The following ARFGEF3 variants were observed in gnomAD, a reference collection of about 807,000 sequenced individuals.
ARFGEF3 encodes the protein ARFGEF family member 3, also known as brefeldin A-inhibited guanine nucleotide-exchange protein 3.
ARFGEF3 carries 96 observed loss-of-function variants against 221.7 expected under a neutral mutation model. That is an observed-to-expected ratio of 0.43 (90% CI 0.37 to 0.51). The LOEUF (loss-of-function observed/expected upper bound fraction) is 0.51, where lower values mean the gene tolerates loss of function less well. ARFGEF3 is among the 20% of genes least tolerant of loss of function. The pLI is 0.00. For synonymous variants in ARFGEF3, 1,145 were observed against 1,126.8 expected, an observed-to-expected ratio of 1.02 and a Z score of -0.32; for missense variants, 2,410 against 2,789.9, an observed-to-expected ratio of 0.86 and a Z score of 3.07.
rs138169197 is a variant in ARFGEF3, at chr6:138,303,022, G to A, written c.3829-4231G>A. Among the ~76,000 whole-genome samples the A allele has an allele frequency of 4.4e-4, 67 of 152,162 alleles. No individual in the cohort carries two copies. In the East Asian group the frequency reaches 9.8e-3, roughly 22 times the overall value. ...TCCTAATTTATTTCAAAAACCTAAC[G>A]TTTAAAGCAATAACTCTAACACTGT... On this transcript the variant is annotated intron_variant, in intron 22 of 33. Transcript: ENST00000251691.
intron 2 of ARFGEF3, among the ~76,000 whole-genome samples, chr6:138,192,026 C>A (rs1178590142): frequency 6.6e-6 from 1 of 152,344 alleles, no homozygotes; most frequent in South Asian, 2.1e-4. Context: ...CGGTGCTACG[C>A]TGAGTCCTAG....
Position 138,254,017 on chromosome 6 carries a change from T to C in ARFGEF3, c.770+33T>C, listed in dbSNP as rs1778627941. ...CCCACTCCTGACGCCCCGACGCTGA[T>C]GCCAACCCAAGGGCTGCTGCTGACT... On this transcript the variant is annotated intron_variant, in intron 9 of 33. Transcript: ENST00000251691. 2.1e-6 allele frequency: 3 copies of C among 1,445,746 alleles called. No individual in the cohort carries two copies. In the Admixed American group the frequency reaches 7.4e-5, roughly 36 times the overall value. 89.6% of individuals were successfully genotyped at this position (1,445,746 alleles called of 1,614,324 possible). A position where few individuals can be genotyped will look rare whatever the true frequency, so the allele number is the denominator to read the frequency against.
At chr6:138,194,484 A>G (rs531596102) in intron 2 of ARFGEF3, among the ~76,000 whole-genome samples, 77 of 152,318 alleles carry the variant, frequency 5.1e-4, no homozygotes, top group Non-Finnish European at 6.6e-4. Context: ...TCATTAAGTA[A>G]CAAAATGCAT....
chr6:138,182,135 G>A (rs746393913), intron 2 of ARFGEF3, among the ~76,000 whole-genome samples: 71 of 152,320 alleles, frequency 4.7e-4, no homozygotes, highest in Non-Finnish European at 8.4e-4. Context: ...ACACACTGAG[G>A]TTGGAGGGGC....
In ARFGEF3 at chr6:138,334,928, G is replaced by A. The variant is rs747689466; in HGVS notation, c.6082G>A (p.Glu2028Lys). The change falls in exon 33 of 34, where the codon GAA (glutamate) becomes AAA (lysine). Residue 2028 changes from glutamate (E) to lysine (K), a missense_variant. Glu to Lys is a moderately conservative substitution (Grantham distance 56, BLOSUM62 1). Transcript: ENST00000251691. This position sits in a 1 kb window ranked among gnomAD's most constrained non-coding sequence, Gnocchi z 5.1. ...CAAGACCATTTCAAAGTTGATGACC[G>A]AATACAAAAAGAGGAAACAGCAGCA... is the stretch of plus-strand genomic sequence containing the variant. ...ADKTISKLMT[E>K]YKKRKQQHNL... is the part of the protein sequence containing the mutation. 6 of 1,589,404 alleles carry A rather than the reference G, an allele frequency of 3.8e-6. No homozygotes were observed. Among genetic ancestry groups the A allele is most frequent in the East Asian group, 2.3e-5 (1 of 43,584 alleles).
intron 4 of ARFGEF3, chr6:138,217,935 C>T (rs1777902670): frequency 6.5e-7 from 1 of 1,537,338 alleles, no homozygotes; most frequent in Non-Finnish European, 8.7e-7. Flanking sequence ...AGCAGAATTG[C>T]CTTTTCAACC....
At chr6:138,289,382 T>C (rs1198396870) in intron 17 of ARFGEF3, among the ~76,000 whole-genome samples, 1 of 152,240 alleles carries the variant, frequency 6.6e-6, no homozygotes, top group Non-Finnish European at 1.5e-5. Flanking sequence ...GTTTTAGAGA[T>C]GATGATCATA....
rs147599733 is a variant in ARFGEF3 at position 138,220,063 on chromosome 6, C to T, written c.352-9721C>T. Among the ~76,000 whole-genome samples the T allele has an allele frequency of 6.2e-4, 94 of 152,184 alleles. 2 individuals are homozygous for T. The East Asian group carries it at 0.017, about 28-fold the overall frequency. On this transcript the variant is annotated intron_variant, in intron 4 of 33. Transcript: ENST00000251691. ...GGTTTCACTGTCACCCAGGCTAGAG[C>T]TCAGTGATGCAATCACGCAATCACA...
intron 2 of ARFGEF3, among the ~76,000 whole-genome samples, chr6:138,173,206 A>G (rs1174652155): frequency 6.6e-6 from 1 of 152,320 alleles, no homozygotes; most frequent in East Asian, 1.9e-4. Context: ...CACAAGATAC[A>G]TTTCAAAAGT....
intron 14 of ARFGEF3, among the ~76,000 whole-genome samples, chr6:138,281,093 A>G (rs1779188708): frequency 6.6e-6 from 1 of 152,192 alleles, no homozygotes; most frequent in African/African-American, 2.4e-5. Context: ...TGTTTAAAGG[A>G]AAAATGAGGA....
chr6:138,187,942 T>A lies in ARFGEF3; in HGVS notation c.137+17229T>A, dbSNP rs148743228. ...CAATTATACTAGGATAGGAAATGAG[T>A]GTGTGTGGGGGGGTTTAATCTAGGG... On this transcript the variant is annotated intron_variant, in intron 2 of 33. Transcript: ENST00000251691. Among the ~76,000 whole-genome samples the A allele has an allele frequency of 4.5e-3, 688 of 152,084 alleles. 3 individuals carry two copies. The highest frequency in any genetic ancestry group is 0.024 in the Middle Eastern group (7 of 294).
chr6:138,278,139 A>G lies in ARFGEF3; in HGVS notation c.2129-312A>G, dbSNP rs565598343. Among the ~76,000 whole-genome samples, 4 of 152,278 alleles carry G rather than the reference A, an allele frequency of 2.6e-5. 1 individual carries two copies. In the South Asian group the frequency reaches 8.3e-4, roughly 32 times the overall value. ...CCGGAGGGCTCAAGCTAGGGATAGA[A>G]TGCAGTCAATTCTTCTTATTATAGG... On this transcript the variant is annotated intron_variant, in intron 12 of 33. Transcript: ENST00000251691.
rs1411821996 is a variant in ARFGEF3 at position 138,280,037 on chromosome 6, G to A, written c.2334G>A (p.Leu778=). The change falls in exon 14 of 34, where the codon CTG becomes CTA. Residue 778 remains leucine (L), a synonymous_variant. Coordinates refer to ENST00000251691, the MANE Select transcript of ARFGEF3 (RefSeq NM_020340.5). The stretch of plus-strand genomic sequence containing the variant: ...AGCAGGTGCAGACCAGCGGCGTGCT[G>A]ATGGTCTTCTCTCAGGCCTGGATTG... ...FMKQVQTSGV[L]MVFSQAWIEE... 6.2e-7 allele frequency: 1 copy of A among 1,613,940 alleles called. No homozygotes were observed. Among genetic ancestry groups the A allele is most frequent in the East Asian group, 2.2e-5 (1 of 44,878 alleles).
At chr6:138,327,379 G>A (rs7744368) in intron 31 of ARFGEF3, among the ~76,000 whole-genome samples, 22,786 of 152,094 alleles carry the variant, frequency 0.15, 2,954 homozygotes, top group African/African-American at 0.36. Context: ...AGCCTGGGAC[G>A]TTGAGGCTGC....
rs555038095 is a variant in ARFGEF3 at position 138,183,199 on chromosome 6, G to T, written c.137+12486G>T. Among the ~76,000 whole-genome samples the T allele has an allele frequency of 3.3e-5, 5 of 152,132 alleles. No homozygotes were observed. In the East Asian group the frequency reaches 7.7e-4, roughly 23 times the overall value. On this transcript the variant is annotated intron_variant, in intron 2 of 33. Coordinates refer to ENST00000251691, the MANE Select transcript of ARFGEF3 (RefSeq NM_020340.5). ...AGGGCTGAACACAGAGGACACCCAG[G>T]ACTGAGCAGGTGGGAGGGCTGCTGG...
chr6:138,277,272 G>A (rs537107447), intron 12 of ARFGEF3, among the ~76,000 whole-genome samples: 5 of 152,196 alleles, frequency 3.3e-5, no homozygotes, highest in African/African-American at 4.8e-5. Flanking sequence ...TTTTCAAGGC[G>A]CCTCTATGTT....
chr6:138,286,750 C>A lies in ARFGEF3; in HGVS notation c.2619C>A (p.Ile873=). Residue 873 remains isoleucine, a synonymous_variant, in exon 16 of 34, where the codon ATC becomes ATA. Coordinates refer to ENST00000251691, the MANE Select transcript of ARFGEF3 (RefSeq NM_020340.5). Reference sequence around the variant, plus strand: ...TGGTGGGCTGCTGGAAGAACTTGATCGATACTTTATCAACCCCACTGACTG... The same window carrying A: ...TGGTGGGCTGCTGGAAGAACTTGATAGATACTTTATCAACCCCACTGACTG... ...YILVGCWKNL[I]DTLSTPLTGR... 6.2e-7 allele frequency: 1 copy of A among 1,614,014 alleles called. No individual in the cohort carries two copies. The highest frequency in any genetic ancestry group is 8.5e-7 in the Non-Finnish European group (1 of 1,179,900).
chr6:138,291,760 G>A lies in ARFGEF3; in HGVS notation c.3075G>A (p.Glu1025=), dbSNP rs1336215399. Residue 1025 remains glutamate (E), a synonymous_variant, in exon 19 of 34, where the codon GAG becomes GAA. Coordinates refer to ENST00000251691, the MANE Select transcript of ARFGEF3 (RefSeq NM_020340.5). The surrounding 1 kb of genome is among the most constrained non-coding windows in gnomAD (Gnocchi z 4.5). ...TGTGTGAATACGTGGGCACCCTGGA[G>A]CACAACCACTTCAGCGATGGTGCCT... ...FRVCEYVGTL[E]HNHFSDGASQ... The A allele has an allele frequency of 2.1e-6, 3 of 1,440,764 alleles. No individual in the cohort carries two copies. The highest frequency in any genetic ancestry group is 1.9e-4 in the Middle Eastern group (1 of 5,384). 89.2% of individuals were successfully genotyped at this position (1,440,764 alleles called of 1,614,324 possible).
chr6:138,255,964 G>C lies in ARFGEF3; in HGVS notation c.1104+195G>C, dbSNP rs1025584839. Among the ~76,000 whole-genome samples the C allele has an allele frequency of 1.4e-4, 22 of 152,298 alleles. No homozygotes were observed. In the South Asian group the frequency reaches 2.5e-3, roughly 17 times the overall value. ...TTGCGAGCTGGGGTAGGAGGGGTCA[G>C]TGATGCCCACTGATGCAAAACCGTT... On this transcript the variant is annotated intron_variant, in intron 10 of 33. Coordinates refer to ENST00000251691, the MANE Select transcript of ARFGEF3 (RefSeq NM_020340.5).
Sources: gnomAD v4.1 joint callset for allele counts (sites outside exome capture counted in the v4.1 genomes callset) on GRCh38, gnomAD v4.1.1 for gene constraint, Gnocchi (gnomAD v3.1) non-coding constraint, MANE v1.5 for transcripts, NCBI Gene and HGNC (gene_info 2026-07-23, HGNC 2026-07-21) for gene names.